The following CRABP2 variants were observed in gnomAD, a reference collection of about 807,000 sequenced individuals.
CRABP2 encodes the protein cellular retinoic acid binding protein 2, also known as cellular retinoic acid-binding protein 2.
A neutral mutation model predicts 17.9 loss-of-function variants in CRABP2; 20 were observed. The ratio of observed to expected loss-of-function variants is 1.12; its 90% CI spans 0.79 to 1.63. The LOEUF (loss-of-function observed/expected upper bound fraction) is 1.63, where lower values mean the gene tolerates loss of function less well. Among genes scored for constraint, CRABP2 ranks in the 40% most tolerant of loss-of-function variants. CRABP2 has a pLI of 0.00. For missense variants in CRABP2, 151 were observed against 168.6 expected (o/e 0.90, Z 0.58); for synonymous variants, 76 against 66.4 (o/e 1.14, Z -0.70).
In CRABP2 at chr1:156,701,027, A is replaced by G. The variant is rs1387862589; in HGVS notation, c.96T>C (p.Ile32=). Residue 32 remains isoleucine (I), a synonymous_variant, in exon 2 of 4, where the codon ATT becomes ATC. Transcript: ENST00000368222. ...CTGGCTTGGACGCTGCAGCCACAGC[A>G]ATCTTCCTCAGCATCACATTCACCC... ...VLGVNVMLRK[I]AVAAASKPAV... The G allele has an allele frequency of 6.2e-7, 1 of 1,614,008 alleles. No homozygotes were observed. The highest frequency in any genetic ancestry group is 8.5e-7 in the Non-Finnish European group (1 of 1,180,004).
intron 1 of CRABP2, among the ~76,000 whole-genome samples, chr1:156,701,316 C>T (rs1273031758): frequency 6.6e-6 from 1 of 152,058 alleles, no homozygotes; most frequent in African/African-American, 2.4e-5. Context: ...TAGCTGTGGC[C>T]CCACCTTGTT....
chr1:156,704,821 A>T (rs1330241666), intron 1 of CRABP2, among the ~76,000 whole-genome samples: 1 of 151,150 alleles, frequency 6.6e-6, no homozygotes, highest in Non-Finnish European at 1.5e-5. Flanking sequence ...GCAGAGTGGA[A>T]AGTGCAGAGG....
chr1:156,700,154 T>G (rs1571479356), intron 3 of CRABP2, 78 bp from the exon 4 acceptor site: 24 of 1,430,232 alleles, frequency 1.7e-5, no homozygotes, highest in Non-Finnish European at 2.2e-5. Context: ...TGAATGGAGG[T>G]ACTCTGCTTG....
intron 3 of CRABP2, 139 bp from the exon 4 acceptor site, chr1:156,700,215 G>C: frequency 1.2e-6 from 1 of 847,284 alleles, no homozygotes; most frequent in Non-Finnish European, 1.9e-6. Flanking sequence ...GGCAGGAGCT[G>C]GTCCCAGAAT....
chr1:156,702,371 C>T (rs1403445168), intron 1 of CRABP2, among the ~76,000 whole-genome samples: 1 of 150,486 alleles, frequency 6.6e-6, no homozygotes, highest in Non-Finnish European at 1.5e-5. Flanking sequence ...GTAGGAGAAT[C>T]ACTTGAATCC....
rs1376644593 is a variant in CRABP2 at position 156,705,438 on chromosome 1, G to A, written c.9C>T (p.Asn3=). 6.2e-7 allele frequency: 1 copy of A among 1,614,036 alleles called. No homozygotes were observed. The highest frequency in any genetic ancestry group is 8.5e-7 in the Non-Finnish European group (1 of 1,180,038). MP[N]FSGNWKIIRS... Reference sequence around the variant, plus strand: ...GGATGATTTTCCAGTTGCCAGAGAAGTTGGGCATGGTGGCGGCGCGGGAGG... The same window carrying A: ...GGATGATTTTCCAGTTGCCAGAGAAATTGGGCATGGTGGCGGCGCGGGAGG... The change falls in exon 1 of 4, where the codon AAC becomes AAT. Residue 3 remains asparagine (N), a synonymous_variant. Transcript: ENST00000368222. The surrounding 1 kb of genome is among the most constrained non-coding windows in gnomAD (Gnocchi z 5.2).
At position 156,705,569 on chromosome 1, in the gene CRABP2, G is replaced by T; in HGVS notation, c.-123C>A. 9.2e-7 allele frequency: 1 copy of T among 1,088,294 alleles called. No individual in the cohort carries two copies. The highest frequency in any genetic ancestry group is 1.4e-6 in the Non-Finnish European group (1 of 731,100). The allele number at this position is 1,088,294 out of a possible 1,614,324, so 67.4% of individuals were successfully genotyped here. A position where few individuals can be genotyped will look rare whatever the true frequency, so the allele number is the denominator to read the frequency against. ...GTTCTGGAACCAAGACAAGTCCAGG[G>T]ACAACCCCAAAGCTGGCCTGGGCTC... On this transcript the variant is annotated 5_prime_UTR_variant, in exon 1 of 4. Coordinates refer to ENST00000368222, the MANE Select transcript of CRABP2 (RefSeq NM_001878.4). The surrounding 1 kb of genome is among the most constrained non-coding windows in gnomAD (Gnocchi z 5.2).
In CRABP2 at chr1:156,699,754, T is replaced by C. The variant is rs916562418; in HGVS notation, c.*272A>G. On this transcript the variant is annotated 3_prime_UTR_variant, in exon 4 of 4. Coordinates refer to ENST00000368222, the MANE Select transcript of CRABP2 (RefSeq NM_001878.4). ...TAGAGAGACCCTGCTCTGGGCTGGT[T>C]TGGGGCTAGGACTGCTGACTTGGGG... 6.4e-6 allele frequency: 3 copies of C among 472,438 alleles called. No homozygotes were observed. The highest frequency in any genetic ancestry group is 5.8e-5 in the African/African-American group (3 of 51,488). 29.3% of individuals were successfully genotyped at this position (472,438 alleles called of 1,614,324 possible).
chr1:156,702,435 C>T (rs1265853426), intron 1 of CRABP2, among the ~76,000 whole-genome samples: 2 of 151,552 alleles, frequency 1.3e-5, no homozygotes, highest in Admixed American at 6.6e-5. Context: ...CCAGCCTGGG[C>T]GACAAGGCGA....
At chr1:156,700,460 G>A in intron 3 of CRABP2, 82 bp downstream of exon 3, 1 of 1,120,668 alleles carries the variant, frequency 8.9e-7, no homozygotes, top group Non-Finnish European at 1.4e-6. Flanking sequence ...TTGTTCTTGA[G>A]TCTCCTGCAC....
At position 156,704,917 on chromosome 1, in the gene CRABP2, T is replaced by G. The variant is rs569311724; in HGVS notation, c.70+460A>C. Among the ~76,000 whole-genome samples, 198 of 144,800 alleles carry G rather than the reference T, an allele frequency of 1.4e-3. 2 individuals carry two copies. The highest frequency in any genetic ancestry group is 0.012 in the Admixed American group (170 of 14,460). 95.0% of individuals were successfully genotyped at this position (144,800 alleles called of 152,430 possible). A position where few individuals can be genotyped will look rare whatever the true frequency, so the allele number is the denominator to read the frequency against. On this transcript the variant is annotated intron_variant, in intron 1 of 3. Coordinates refer to ENST00000368222, the MANE Select transcript of CRABP2 (RefSeq NM_001878.4). ...GCGCCGAGGGGTAATGAGCCTGCCC[T>G]GGGGATTGGGTTACCGAGGGGGGCA...
At chr1:156,701,269 G>T (rs1420966528) in intron 1 of CRABP2, among the ~76,000 whole-genome samples, 2 of 152,100 alleles carry the variant, frequency 1.3e-5, no homozygotes, top group Non-Finnish European at 2.9e-5. Flanking sequence ...GGAGGAGAGG[G>T]AGAGAGGCAG....
chr1:156,699,899 C>A lies in CRABP2; in HGVS notation c.*127G>T. The A allele has an allele frequency of 1.1e-6, 1 of 936,106 alleles. No homozygotes were observed. Among genetic ancestry groups the A allele is most frequent in the African/African-American group, 1.6e-5 (1 of 61,096 alleles). 58.0% of individuals were successfully genotyped at this position (936,106 alleles called of 1,614,324 possible). On this transcript the variant is annotated 3_prime_UTR_variant, in exon 4 of 4. Coordinates refer to ENST00000368222, the MANE Select transcript of CRABP2 (RefSeq NM_001878.4). Reference sequence around the variant, plus strand: ...GACCCTGCAAGAGGCATCCCAGTGACCCCCAGAAGTGACTGGGGTAAGGGG... The same window carrying A: ...GACCCTGCAAGAGGCATCCCAGTGAACCCCAGAAGTGACTGGGGTAAGGGG...
Position 156,705,509 on chromosome 1 carries a change from A to G in CRABP2, c.-63T>C. 1 of 1,566,248 alleles carries G rather than the reference A, an allele frequency of 6.4e-7. No homozygotes were observed. Among genetic ancestry groups the G allele is most frequent in the East Asian group, 2.2e-5 (1 of 44,584 alleles). On this transcript the variant is annotated 5_prime_UTR_variant, in exon 1 of 4. Coordinates refer to ENST00000368222, the MANE Select transcript of CRABP2 (RefSeq NM_001878.4). The surrounding 1 kb of genome is among the most constrained non-coding windows in gnomAD (Gnocchi z 5.2). ...GCTGGAGCACTGGACACTGTCTTTT[A>G]GTCAAAAGAGACGTCGCCGTCGCCG...
In CRABP2 at chr1:156,705,341, C is replaced by A. The variant is rs200159911; in HGVS notation, c.70+36G>T. On this transcript the variant is annotated intron_variant, in intron 1 of 3. Coordinates refer to ENST00000368222, the MANE Select transcript of CRABP2 (RefSeq NM_001878.4). This position sits in a 1 kb window ranked among gnomAD's most constrained non-coding sequence, Gnocchi z 5.2. ...CCAACTTCGAGGACTCCAGAGCCCC[C>A]CCTTGCCCCACCTGGGCCCTCGAAC... The A allele has an allele frequency of 3.8e-5, 62 of 1,610,944 alleles. No homozygotes were observed. The South Asian group carries it at 6.0e-4, about 16-fold the overall frequency.
At chr1:156,705,712 T>A, upstream of CRABP2, 1 of 454,912 alleles carries the variant, frequency 2.2e-6, no homozygotes, top group Non-Finnish European at 4.0e-6. This position sits in a 1 kb window ranked among gnomAD's most constrained non-coding sequence, Gnocchi z 5.2. Flanking sequence ...CACCAACCTC[T>A]GGATCTAGCC....
At chr1:156,704,774 A>G (rs1197857434) in intron 1 of CRABP2, among the ~76,000 whole-genome samples, 1 of 151,830 alleles carries the variant, frequency 6.6e-6, no homozygotes, top group Non-Finnish European at 1.5e-5. Flanking sequence ...TGCTCGCTGT[A>G]TGAAAATACT....
chr1:156,700,728 A>C (rs1648006372), intron 2 of CRABP2, 70 bp from the exon 3 acceptor site: 1 of 1,524,628 alleles, frequency 6.6e-7, no homozygotes, highest in Non-Finnish European at 9.1e-7. Context: ...GATAAGGGAG[A>C]GAGCCCCTTT....
chr1:156,700,793 A>G, intron 2 of CRABP2, 81 bp downstream of exon 2: 5 of 1,550,828 alleles, frequency 3.2e-6, no homozygotes, highest in Non-Finnish European at 4.4e-6. Context: ...AGAAGCTAGG[A>G]GTTAACTGCT....
Sources: allele counts gnomAD v4.1 joint callset (sites outside exome capture counted in the v4.1 genomes callset), GRCh38; gene constraint gnomAD v4.1.1; non-coding constraint Gnocchi (gnomAD v3.1); transcripts MANE v1.5; gene names NCBI Gene and HGNC (gene_info 2026-07-23, HGNC 2026-07-21).